RPS6KA5: variants seen among roughly 807,000 people sequenced by gnomAD.
RPS6KA5 encodes ribosomal protein S6 kinase A5.
RPS6KA5 carries 27 observed loss-of-function variants against 85.5 expected under a neutral mutation model. The observed-to-expected ratio is 0.32, with a 90% CI of 0.23 to 0.44. The LOEUF is 0.44. Among genes scored for constraint, RPS6KA5 ranks in the 20% least tolerant of loss-of-function variants. RPS6KA5 has a pLI of 1.00. For synonymous variants in RPS6KA5, 334 were observed against 348.2 expected (o/e 0.96, Z 0.46); for missense variants, 811 against 980.9 (o/e 0.83, Z 2.31).
intron 3 of RPS6KA5, among the ~76,000 whole-genome samples, chr14:90,968,504 C>T (rs1253016188): frequency 6.6e-6 from 1 of 152,202 alleles, no homozygotes; most frequent in Non-Finnish European, 1.5e-5. Flanking sequence ...GGACATTATT[C>T]AGTCTACCAC....
rs182568855 is a variant in RPS6KA5, at chr14:90,897,070, G to A, written c.1473+2259C>T. 6.1e-4 allele frequency among the ~76,000 whole-genome samples: 93 copies of A among 152,246 alleles called. 2 individuals are homozygous for A. The South Asian group carries it at 0.018, about 30-fold the overall frequency. Reference sequence around the variant, plus strand: ...CACGGAAGGCAATTTTTCCATGGACGAGGGGAGGCAGTAGTGGGGTGGGAC... The same window carrying A: ...CACGGAAGGCAATTTTTCCATGGACAAGGGGAGGCAGTAGTGGGGTGGGAC... On this transcript the variant is annotated intron_variant, in intron 12 of 16. Coordinates refer to ENST00000614987, the MANE Select transcript of RPS6KA5 (RefSeq NM_004755.4).
At chr14:91,022,473 A>T (rs1200285293) in intron 1 of RPS6KA5, among the ~76,000 whole-genome samples, 1 of 152,204 alleles carries the variant, frequency 6.6e-6, no homozygotes, top group Non-Finnish European at 1.5e-5. Flanking sequence ...TTTCCAATAA[A>T]TATCAGAGTG....
intron 3 of RPS6KA5, among the ~76,000 whole-genome samples, chr14:90,952,627 T>C (rs182430123): frequency 1.1e-3 from 168 of 152,354 alleles, no homozygotes; most frequent in Non-Finnish European, 1.9e-3. Flanking sequence ...ATCAAATTAA[T>C]GATTTAAGAC....
rs1399462735 is a variant in RPS6KA5 at position 90,847,875 on chromosome 14, A to G, written c.*24199T>C. The G allele has an allele frequency of 1.3e-5, 2 of 152,258 alleles. No individual in the cohort carries two copies. The highest frequency in any genetic ancestry group is 4.8e-5 in the African/African-American group (2 of 41,458). 9.4% of individuals were successfully genotyped at this position (152,258 alleles called of 1,614,324 possible). A position where few individuals can be genotyped will look rare whatever the true frequency, so the allele number is the denominator to read the frequency against. On this transcript the variant is annotated 3_prime_UTR_variant, in exon 17 of 17. Transcript: ENST00000614987. ...CAAGTCAGATATCAGGCATTTGTAC[A>G]TTGACAGGTTTATTCTTAAAGCTTG...
intron 4 of RPS6KA5, among the ~76,000 whole-genome samples, chr14:90,945,094 A>C (rs1286115): frequency 1.3e-5 from 2 of 151,424 alleles, no homozygotes; most frequent in African/African-American, 2.4e-5. Flanking sequence ...TCTACAAAAA[A>C]TACAAAAATT....
At position 90,978,421 on chromosome 14, in the gene RPS6KA5, T is replaced by A; in HGVS notation, c.279A>T (p.Lys93Asn). ...LKKATIVQKAKTTEHTRTERQ... is the reference protein window; with the variant it reads ...LKKATIVQKANTTEHTRTERQ... ...GTTCTGTCCTTGTATGCTCTGTGGTTTTGGCCTTTTGAACGATTGTTGCCT... is the reference window on the plus strand; with the variant it reads ...GTTCTGTCCTTGTATGCTCTGTGGTATTGGCCTTTTGAACGATTGTTGCCT... Residue 93 changes from lysine to asparagine, a missense_variant, in exon 3 of 17, where the codon AAA (lysine) becomes AAT (asparagine). Lys to Asn is a moderately conservative substitution (Grantham distance 94). This residue lies in a region of RPS6KA5 where 48 missense variants were observed against 87.6 expected (regional missense o/e 0.55). Transcript: ENST00000614987. 1 of 1,614,122 alleles carries A rather than the reference T, an allele frequency of 6.2e-7. No homozygotes were observed. The highest frequency in any genetic ancestry group is 1.6e-4 in the Middle Eastern group (1 of 6,062).
At chr14:91,044,477 A>G (rs2042784353) in intron 1 of RPS6KA5, among the ~76,000 whole-genome samples, 1 of 152,164 alleles carries the variant, frequency 6.6e-6, no homozygotes, top group South Asian at 2.1e-4. Flanking sequence ...ACCTAATTAC[A>G]TGAGTCCCTT....
intron 1 of RPS6KA5, among the ~76,000 whole-genome samples, chr14:91,054,113 T>C (rs2043206613): frequency 6.6e-6 from 1 of 152,192 alleles, no homozygotes; most frequent in Admixed American, 6.5e-5. Context: ...TTTCAGCTAA[T>C]GGTGCTGGAA....
intron 1 of RPS6KA5, among the ~76,000 whole-genome samples, chr14:91,006,427 T>TG (rs759044990): frequency 5.3e-5 from 8 of 152,326 alleles, no homozygotes; most frequent in Non-Finnish European, 5.9e-5. Flanking sequence ...ATGGGGCCTT[T>TG]GGGAGGTAAT....
intron 1 of RPS6KA5, among the ~76,000 whole-genome samples, chr14:91,007,496 C>T (rs1390944516): frequency 1.3e-5 from 2 of 152,140 alleles, no homozygotes; most frequent in African/African-American, 2.4e-5. Flanking sequence ...CCATGCTCCT[C>T]TCAAAAGCTC....
At chr14:90,987,542 G>T (rs954120477) in intron 2 of RPS6KA5, among the ~76,000 whole-genome samples, 3 of 152,196 alleles carry the variant, frequency 2.0e-5, no homozygotes, top group Admixed American at 2.0e-4. Flanking sequence ...TATTCATAGA[G>T]TCTGGGACCA....
intron 7 of RPS6KA5, among the ~76,000 whole-genome samples, chr14:90,908,453 G>A (rs2035630766): frequency 1.3e-5 from 2 of 152,134 alleles, no homozygotes; most frequent in Admixed American, 1.3e-4. Flanking sequence ...AGGTGATGAG[G>A]AGTATCTTGC....
intron 5 of RPS6KA5, among the ~76,000 whole-genome samples, chr14:90,935,306 AAG>A (rs72098048): frequency 0.1 from 15,551 of 152,194 alleles, 1,117 homozygotes; most frequent in African/African-American, 0.2. Context: ...AAAGAAAATA[AAG>A]AGAATAATTT....
intron 13 of RPS6KA5, among the ~76,000 whole-genome samples, chr14:90,891,678 TAA>T (rs976676478): frequency 1.2e-4 from 19 of 152,184 alleles, no homozygotes; most frequent in Non-Finnish European, 5.9e-5. Flanking sequence ...AAAAATCTCC[TAA>T]GTCTTCCATC....
Position 91,050,461 on chromosome 14 carries a change from C to T in RPS6KA5, c.103+9871G>A, listed in dbSNP as rs1443651313. On this transcript the variant is annotated intron_variant, in intron 1 of 16. Transcript: ENST00000614987. ...TTTGTTTGTTTTTGGCACAGTCTGA[C>T]TCTGTCCCTCAGGCTGGAGTGCAGT... Among the ~76,000 whole-genome samples, 7 of 152,312 alleles carry T rather than the reference C, an allele frequency of 4.6e-5. No individual in the cohort carries two copies. In the East Asian group the frequency reaches 1.2e-3, roughly 25 times the overall value.
intron 4 of RPS6KA5, among the ~76,000 whole-genome samples, chr14:90,943,947 G>C (rs905270369): frequency 6.6e-6 from 1 of 152,050 alleles, no homozygotes; most frequent in Non-Finnish European, 1.5e-5. Context: ...CAAACTTCTG[G>C]GCTAAAGCCA....
At position 91,006,258 on chromosome 14, in the gene RPS6KA5, C is replaced by G. The variant is rs77951075; in HGVS notation, c.104-5099G>C. 8.8e-3 allele frequency among the ~76,000 whole-genome samples: 1,343 copies of G among 152,306 alleles called. 17 individuals carry two copies. The highest frequency in any genetic ancestry group is 0.031 in the African/African-American group (1,282 of 41,550). On this transcript the variant is annotated intron_variant, in intron 1 of 16. Coordinates refer to ENST00000614987, the MANE Select transcript of RPS6KA5 (RefSeq NM_004755.4). ...GCCTCAAATTTCTTCCATGGCCTGA[C>G]AGATTGGCCATTCTCTTGCACTTCT...
chr14:90,993,799 T>A (rs933484264), intron 2 of RPS6KA5, among the ~76,000 whole-genome samples: 62 of 152,366 alleles, frequency 4.1e-4, no homozygotes, highest in African/African-American at 1.4e-3. Context: ...TCACGTTTAA[T>A]CCTGTAAACT....
At chr14:90,886,278 A>C (rs1031662630) in intron 14 of RPS6KA5, among the ~76,000 whole-genome samples, 1 of 152,188 alleles carries the variant, frequency 6.6e-6, no homozygotes, top group African/African-American at 2.4e-5. Flanking sequence ...TGTGGGAAAA[A>C]AATTAAAAAA....
Sources: allele counts gnomAD v4.1 joint callset (sites outside exome capture counted in the v4.1 genomes callset), GRCh38; gene constraint gnomAD v4.1.1; regional missense constraint gnomAD v4.1.1; transcripts MANE v1.5; gene names NCBI Gene and HGNC (gene_info 2026-07-23, HGNC 2026-07-21).